Variants in COL6A3 observed in about 807,000 individuals in gnomAD.
COL6A3 encodes collagen alpha-3(VI) chain.
A neutral mutation model predicts 274.1 loss-of-function variants in COL6A3; 137 were observed. That is an observed-to-expected ratio of 0.50 (90% CI 0.44 to 0.58). The LOEUF (loss-of-function observed/expected upper bound fraction) is 0.58. Ranked by LOEUF, COL6A3 falls within the 20% of genes least tolerant of loss-of-function variation. COL6A3 has a pLI of 0.00. For synonymous variants in COL6A3, 1,650 were observed against 1,650.6 expected (o/e 1.00, Z 0.01); for missense variants, 3,950 against 4,124.9 (o/e 0.96, Z 1.16).
At chr2:237,343,909 T>C (rs931332799) in intron 36 of COL6A3, 10 of 297,744 alleles carry the variant, frequency 3.4e-5, no homozygotes, top group African/African-American at 1.7e-4. Flanking sequence ...AGACTGATGA[T>C]ACAAACCTCA....
chr2:237,331,653 CT>C (rs1464395821), intron 42 of COL6A3, among the ~76,000 whole-genome samples: 1 of 151,418 alleles, frequency 6.6e-6, no homozygotes, highest in Non-Finnish European at 1.5e-5. Context: ...AGGTTAAGTG[CT>C]TGTTTGTTAC....
At chr2:237,337,920 T>C (rs2106316409) in intron 39 of COL6A3, among the ~76,000 whole-genome samples, 1 of 152,210 alleles carries the variant, frequency 6.6e-6, no homozygotes, top group South Asian at 2.1e-4. Context: ...TGACTTCCTA[T>C]TATTACCATC....
intron 32 of COL6A3, among the ~76,000 whole-genome samples, chr2:237,345,924 T>G (rs1209400334): frequency 6.6e-6 from 1 of 152,234 alleles, no homozygotes; most frequent in Non-Finnish European, 1.5e-5. Flanking sequence ...CTGAATTATC[T>G]TTTCCATTAT....
At chr2:237,354,487 G>A (rs1176819730) in intron 24 of COL6A3, among the ~76,000 whole-genome samples, 1 of 152,104 alleles carries the variant, frequency 6.6e-6, no homozygotes, top group Non-Finnish European at 1.5e-5. Context: ...TAAGGCATAG[G>A]TGACTGTTCT....
Position 237,341,074 on chromosome 2 carries a change from G to T in COL6A3, c.7842C>A (p.Ser2614Arg), listed in dbSNP as rs34558385. 19 of 1,613,936 alleles carry T rather than the reference G, an allele frequency of 1.2e-5. No individual in the cohort carries two copies. The highest frequency in any genetic ancestry group is 1.7e-5 in the Admixed American group (1 of 60,026). The change falls in exon 38 of 44, where the codon AGC (serine) becomes AGA (arginine). Residue 2614 changes from serine (S) to arginine (R), a missense_variant. Ser to Arg is a moderately radical substitution (Grantham distance 110). Coordinates refer to ENST00000295550, the MANE Select transcript of COL6A3 (RefSeq NM_004369.4). ...PSFRDRRAAG[S>R]DVDIDMAFIL... ...TGAAAGCCATGTCGATGTCCACATC[G>T]CTCCCTGCCGCTCTCCTGTCCCTGA...
chr2:237,411,756 G>A (rs2078862090), intron 1 of COL6A3, among the ~76,000 whole-genome samples: 1 of 152,202 alleles, frequency 6.6e-6, no homozygotes, highest in Admixed American at 6.5e-5. Context: ...TCAGAAAGGT[G>A]CCTACCTCGT....
Position 237,371,381 on chromosome 2 carries a change from G to A in COL6A3, c.4285+351C>T, listed in dbSNP as rs1023052956. Among the ~76,000 whole-genome samples the A allele has an allele frequency of 5.3e-5, 8 of 152,276 alleles. No homozygotes were observed. Among genetic ancestry groups the A allele is most frequent in the Non-Finnish European group, 1.0e-4 (7 of 68,018 alleles). The stretch of plus-strand genomic sequence containing the variant: ...GGAGGCCGCAGCAGGTGGATCACTT[G>A]AGCTCAGGGGCTTGAGACCAGCCTG... On this transcript the variant is annotated intron_variant, in intron 9 of 43. Coordinates refer to ENST00000295550, the MANE Select transcript of COL6A3 (RefSeq NM_004369.4). This position sits in a 1 kb window ranked among gnomAD's most constrained non-coding sequence, Gnocchi z 4.3.
intron 3 of COL6A3, among the ~76,000 whole-genome samples, chr2:237,389,442 A>G (rs149126536): frequency 0.012 from 1,846 of 152,328 alleles, 65 homozygotes; most frequent in Admixed American, 0.059. Flanking sequence ...TTTTTAAATG[A>G]TGGTAATATT....
chr2:237,384,803 T>C (rs2078103762), intron 4 of COL6A3, among the ~76,000 whole-genome samples: 2 of 152,066 alleles, frequency 1.3e-5, no homozygotes. Flanking sequence ...TCCTCTGCCA[T>C]TGGCTCCCAA....
intron 1 of COL6A3, among the ~76,000 whole-genome samples, chr2:237,412,158 C>T (rs2078871844): frequency 6.6e-6 from 1 of 152,204 alleles, no homozygotes; most frequent in Admixed American, 6.5e-5. Flanking sequence ...TTGTAAAAGC[C>T]ACGCCTCCCC....
intron 7 of COL6A3, among the ~76,000 whole-genome samples, chr2:237,376,542 G>A (rs1214953400): frequency 2.0e-5 from 3 of 152,142 alleles, no homozygotes; most frequent in Admixed American, 6.5e-5. Context: ...ATAATCTAAT[G>A]CCCTTAAAAA....
Position 237,369,049 on chromosome 2 carries a change from T to C in COL6A3, c.4414A>G (p.Lys1472Glu). The change falls in exon 10 of 44, where the codon AAA becomes GAA. Residue 1472 changes from lysine (K) to glutamate (E), a missense_variant. By Grantham distance (56) the Lys-to-Glu change is moderately conservative. Transcript: ENST00000295550. ...IVRRLNIGPS[K>E]VRVGVVQFSN... Reference sequence around the variant, plus strand: ...AACTGCACGACCCCAACTCTCACTTTACTGGGGCCGATGTTGAGTCTTCGA... The same window carrying C: ...AACTGCACGACCCCAACTCTCACTTCACTGGGGCCGATGTTGAGTCTTCGA... 3 of 1,614,242 alleles carry C rather than the reference T, an allele frequency of 1.9e-6. No individual in the cohort carries two copies. The highest frequency in any genetic ancestry group is 2.5e-6 in the Non-Finnish European group (3 of 1,180,038).
In COL6A3 at chr2:237,380,837, A is replaced by G; in HGVS notation, c.1897+78T>C. On this transcript the variant is annotated intron_variant, in intron 5 of 43. Transcript: ENST00000295550. ...TGTTGTCTCTTAGCTAAACACAAAC[A>G]CACTTCATTTTGTTTTGTTCTTAAA... is the stretch of plus-strand genomic sequence containing the variant. 2.3e-6 allele frequency: 3 copies of G among 1,300,652 alleles called. No individual in the cohort carries two copies. In the South Asian group the frequency reaches 3.7e-5, roughly 16 times the overall value. The allele number at this position is 1,300,652 out of a possible 1,614,324, so 80.6% of individuals were successfully genotyped here.
chr2:237,372,399 GC>G, intron 8 of COL6A3, 62 bp from the exon 9 acceptor site: 1 of 1,599,496 alleles, frequency 6.3e-7, no homozygotes, highest in Non-Finnish European at 8.5e-7. Flanking sequence ...GCGTTCATGA[GC>G]CACCGCCCAG....
At chr2:237,406,538 C>A (rs1187013744) in intron 1 of COL6A3, among the ~76,000 whole-genome samples, 1 of 152,132 alleles carries the variant, frequency 6.6e-6, no homozygotes, top group Non-Finnish European at 1.5e-5. Flanking sequence ...AATAGAAAGT[C>A]AAATTTCAGT....
intron 42 of COL6A3, chr2:237,333,049 TC>T (rs1227590790): frequency 6.3e-6 from 2 of 316,522 alleles, no homozygotes; most frequent in African/African-American, 2.2e-5. Context: ...TTTCATGGAT[TC>T]CAGCCAAATT....
At chr2:237,347,391 G>C (rs1377513739) in intron 31 of COL6A3, among the ~76,000 whole-genome samples, 2 of 152,218 alleles carry the variant, frequency 1.3e-5, no homozygotes, top group Non-Finnish European at 2.9e-5. Flanking sequence ...GGAGCCCATG[G>C]CCTTGGCCTG....
At position 237,353,285 on chromosome 2, in the gene COL6A3, T is replaced by A. The variant is rs1314935343; in HGVS notation, c.6690+56A>T. The A allele has an allele frequency of 6.4e-6, 10 of 1,558,938 alleles. 2 individuals are homozygous for A. The highest frequency in any genetic ancestry group is 2.7e-5 in the African/African-American group (2 of 73,724). On this transcript the variant is annotated intron_variant, in intron 25 of 43. Transcript: ENST00000295550. ...CGGATATAAATGCCACCCAATCATT[T>A]TTTAAATGATTTGTGAAATATCAGA...
chr2:237,377,966 G>A (rs769995531), intron 6 of COL6A3, among the ~76,000 whole-genome samples: 3 of 152,194 alleles, frequency 2.0e-5, no homozygotes, highest in East Asian at 1.9e-4. Context: ...CTATGGCACC[G>A]CAATGTGTAA....
Sources: gnomAD v4.1 joint callset for allele counts (sites outside exome capture counted in the v4.1 genomes callset) on GRCh38, gnomAD v4.1.1 for gene constraint, Gnocchi (gnomAD v3.1) non-coding constraint, MANE v1.5 for transcripts, NCBI Gene and HGNC (gene_info 2026-07-23, HGNC 2026-07-21) for gene names.